Variants in EYA3 observed in about 807,000 individuals in gnomAD.
The protein encoded by EYA3 is EYA transcriptional coactivator and phosphatase 3, also known as protein phosphatase EYA3.
In EYA3, 39 loss-of-function variants were observed where a neutral mutation model predicts 80.0. The ratio of observed to expected loss-of-function variants is 0.49; its 90% confidence interval spans 0.38 to 0.64. The LOEUF is 0.64. Ranked by LOEUF, EYA3 falls within the 30% of genes least tolerant of loss-of-function variation. EYA3 has a pLI of 0.00. For missense variants in EYA3, 523 were observed against 676.1 expected (o/e 0.77, Z 2.51); for synonymous variants, 206 against 232.8 (o/e 0.88, Z 1.05).
chr1:28,052,815 G>A (rs1026131256), intron 2 of EYA3, among the ~76,000 whole-genome samples: 4 of 151,756 alleles, frequency 2.6e-5, no homozygotes, highest in Non-Finnish European at 2.9e-5. Context: ...GGTGGCAGGC[G>A]CCTGTAATCC....
chr1:28,067,616 T>G (rs1644878324), intron 1 of EYA3, among the ~76,000 whole-genome samples: 1 of 152,158 alleles, frequency 6.6e-6, no homozygotes, highest in Non-Finnish European at 1.5e-5. Context: ...AATCTTACCC[T>G]GTTTGTGACA....
chr1:28,087,558 A>G (rs1004246979), intron 1 of EYA3, among the ~76,000 whole-genome samples: 12 of 152,222 alleles, frequency 7.9e-5, no homozygotes, highest in African/African-American at 2.9e-4. Context: ...CGGAAACAAC[A>G]CAATAAATTC....
At chr1:28,062,657 G>GGTGGGTGTGTGTGT (rs1553155519) in intron 1 of EYA3, among the ~76,000 whole-genome samples, 1 of 141,528 alleles carries the variant, frequency 7.1e-6, no homozygotes, top group East Asian at 2.0e-4. Context: ...AATATATGTA[G>GGTGGGTGTGTGTGT]GTGTGTGTGT....
In EYA3 at chr1:27,972,467, C is replaced by T. The variant is rs1316160658; in HGVS notation, c.*1999G>A. ...AGTTATGAGCGCTTTTCAATGAGTT[C>T]TGAAGGAATGTGTATACCAGCCTCT... On this transcript the variant is annotated 3_prime_UTR_variant, in exon 18 of 18. Transcript: ENST00000373871. The T allele has an allele frequency of 6.6e-6, 1 of 152,204 alleles. No homozygotes were observed. The highest frequency in any genetic ancestry group is 1.5e-5 in the Non-Finnish European group (1 of 68,052). The allele number at this position is 152,204 out of a possible 1,614,324, so 9.4% of individuals were successfully genotyped here. A position where few individuals can be genotyped will look rare whatever the true frequency, so the allele number is the denominator to read the frequency against.
chr1:27,978,488 G>T lies in EYA3; in HGVS notation c.1541-14C>A, dbSNP rs750998312. The T allele has an allele frequency of 3.2e-5, 51 of 1,602,234 alleles. No homozygotes were observed. The highest frequency in any genetic ancestry group is 4.0e-5 in the Non-Finnish European group (47 of 1,169,848). ...AGCTCTCCTTACCTGATGAGAAAAA[G>T]AAATTTCCTGTTAGAATACTCTTCT... On this transcript the variant is annotated splice_polypyrimidine_tract_variant and intron_variant, in intron 16 of 17. Transcript: ENST00000373871.
In EYA3 at chr1:27,977,174, C is replaced by T. The variant is rs538027070; in HGVS notation, c.1641+1200G>A. ...TTCCCAAAGAGGGCAACAAGAAGCA[C>T]TTTAGAATCAAAGCTTCATAACATA... On this transcript the variant is annotated intron_variant, in intron 17 of 17. Transcript: ENST00000373871. 1.6e-5 allele frequency: 23 copies of T among 1,452,220 alleles called. No individual in the cohort carries two copies. In the African/African-American group the frequency reaches 2.1e-4, roughly 13 times the overall value. 90.0% of individuals were successfully genotyped at this position (1,452,220 alleles called of 1,614,324 possible). A position where few individuals can be genotyped will look rare whatever the true frequency, so the allele number is the denominator to read the frequency against.
At chr1:27,988,495 A>G (rs774424116) in intron 16 of EYA3, 40 bp downstream of exon 16, 4 of 1,602,674 alleles carry the variant, frequency 2.5e-6, no homozygotes, top group African/African-American at 1.3e-5. Context: ...AGAAAGTTTT[A>G]TTGCAAGGCC....
intron 3 of EYA3, among the ~76,000 whole-genome samples, chr1:28,047,890 C>T (rs1197533175): frequency 6.6e-6 from 1 of 152,168 alleles, no homozygotes; most frequent in Non-Finnish European, 1.5e-5. Flanking sequence ...CTGCCCGCCT[C>T]AGCCTCCCAA....
chr1:27,978,336 G>A (rs1639078830), intron 17 of EYA3, 38 bp downstream of exon 17: 2 of 1,471,558 alleles, frequency 1.4e-6, no homozygotes, highest in East Asian at 4.5e-5. Context: ...ATTACTCGAT[G>A]TACAACCACA....
At chr1:27,984,979 C>G (rs547944902) in intron 16 of EYA3, among the ~76,000 whole-genome samples, 10 of 152,274 alleles carry the variant, frequency 6.6e-5, no homozygotes, top group African/African-American at 2.4e-4. Context: ...CTCTCTTAAA[C>G]TACTTCCAAT....
At chr1:27,996,291 C>T (rs539053081) in intron 13 of EYA3, among the ~76,000 whole-genome samples, 2 of 152,220 alleles carry the variant, frequency 1.3e-5, no homozygotes, top group South Asian at 4.2e-4. Context: ...AATGACTGAA[C>T]AACTTGGTTC....
chr1:28,015,547 C>A (rs1300858001), intron 8 of EYA3, among the ~76,000 whole-genome samples: 13 of 151,716 alleles, frequency 8.6e-5, no homozygotes, highest in Non-Finnish European at 1.9e-4. Context: ...AACAAACAAA[C>A]AAAAAACATG....
intron 10 of EYA3, among the ~76,000 whole-genome samples, chr1:28,005,983 T>C (rs191180536): frequency 6.6e-6 from 1 of 151,842 alleles, no homozygotes; most frequent in Non-Finnish European, 1.5e-5. Flanking sequence ...TGCACACTTG[T>C]AGTCCCAGCT....
Position 28,010,996 on chromosome 1 carries a change from C to A in EYA3, c.860G>T (p.Arg287Leu). The A allele has an allele frequency of 1.2e-6, 2 of 1,614,072 alleles. No homozygotes were observed. Among genetic ancestry groups the A allele is most frequent in the African/African-American group, 2.7e-5 (2 of 75,010 alleles). ...QSRKNMTSKN[R>L]GKRKADATSS... ...AGTGGCATCAGCTTTCCTCTTGCCCCGGTTCTTGCTAGTCATGTTTTTCCT... is the reference window on the plus strand; with the variant it reads ...AGTGGCATCAGCTTTCCTCTTGCCCAGGTTCTTGCTAGTCATGTTTTTCCT... The change falls in exon 10 of 18, where the codon CGG becomes CTG. Residue 287 changes from arginine (R) to leucine (L), a missense_variant. Around this residue, in one of 2 missense-constraint regions of EYA3, gnomAD observed 304 missense variants for 343.3 expected, o/e 0.89. Transcript: ENST00000373871.
At chr1:27,982,104 G>A (rs990390142) in intron 16 of EYA3, among the ~76,000 whole-genome samples, 6 of 150,620 alleles carry the variant, frequency 4.0e-5, no homozygotes, top group African/African-American at 9.8e-5. Context: ...CCTCCCAGGC[G>A]CAAGCAATTC....
intron 7 of EYA3, among the ~76,000 whole-genome samples, chr1:28,018,450 C>T (rs966550374): frequency 2.0e-5 from 3 of 152,188 alleles, no homozygotes; most frequent in Non-Finnish European, 4.4e-5. Flanking sequence ...CACACTTAGA[C>T]ATGGTTCCTA....
intron 2 of EYA3, among the ~76,000 whole-genome samples, chr1:28,049,907 A>G (rs1311443382): frequency 6.6e-6 from 1 of 152,164 alleles, no homozygotes; most frequent in African/African-American, 2.4e-5. Context: ...TATTCTTCCA[A>G]TAGTGGAGAT....
intron 16 of EYA3, among the ~76,000 whole-genome samples, chr1:27,984,953 C>G (rs1639552225): frequency 6.6e-6 from 1 of 152,138 alleles, no homozygotes; most frequent in African/African-American, 2.4e-5. Flanking sequence ...TAGACCAGTT[C>G]TATAAAATTT....
intron 13 of EYA3, among the ~76,000 whole-genome samples, chr1:27,997,103 C>T (rs539210934): frequency 6.6e-6 from 1 of 152,218 alleles, no homozygotes; most frequent in Non-Finnish European, 1.5e-5. Context: ...ACTCCCTATC[C>T]CAACAGAATT....
Sources: gnomAD v4.1 joint callset for allele counts (sites outside exome capture counted in the v4.1 genomes callset) on GRCh38, gnomAD v4.1.1 for gene constraint, gnomAD v4.1.1 regional missense constraint, MANE v1.5 for transcripts, NCBI Gene and HGNC (gene_info 2026-07-23, HGNC 2026-07-21) for gene names.